RPL9: variants seen among roughly 807,000 people sequenced by gnomAD.
The protein encoded by RPL9 is ribosomal protein L9.
For missense variants in RPL9, 149 were observed against 236.7 expected, an observed-to-expected ratio of 0.63 and a Z score of 2.43; for synonymous variants, 82 against 77.1, an observed-to-expected ratio of 1.06 and a Z score of -0.33.
At chr4:39,454,423 G>C (rs1006676323) in intron 7 of RPL9, 110 bp downstream of exon 7, 1 of 797,550 alleles carries the variant, frequency 1.3e-6, no homozygotes, top group South Asian at 1.9e-5. Context: ...GTTCCAGAAT[G>C]CTTAACTCTC....
chr4:39,456,666 C>T, intron 4 of RPL9, 128 bp from the exon 5 acceptor site: 1 of 987,022 alleles, frequency 1.0e-6, no homozygotes, highest in Non-Finnish European at 1.5e-6. Context: ...TAATAACTGT[C>T]ACCTGAACCA....
At chr4:39,456,580 A>G (rs2109856145) in intron 4 of RPL9, 42 bp from the exon 5 acceptor site, 1 of 1,592,594 alleles carries the variant, frequency 6.3e-7, no homozygotes, top group Middle Eastern at 1.7e-4. Context: ...ATGCTGAGGA[A>G]TATTTTTAAT....
chr4:39,458,514 A>G, intron 1 of RPL9, 74 bp from the exon 2 acceptor site: 1 of 1,499,616 alleles, frequency 6.7e-7, no homozygotes, highest in Admixed American at 1.7e-5. Flanking sequence ...ACAGAGCTCC[A>G]CTCCTACTGG....
chr4:39,454,700 A>G lies in RPL9; in HGVS notation c.473-51T>C, dbSNP rs963307618. On this transcript the variant is annotated intron_variant, in intron 6 of 7. Coordinates refer to ENST00000295955, the MANE Select transcript of RPL9 (RefSeq NM_000661.5). The stretch of plus-strand genomic sequence containing the variant: ...AATACATCAGCCTAACCCATCTTAA[A>G]AAGAAAGTATTTCATTATGTGCTGT... 3.3e-6 allele frequency: 5 copies of G among 1,527,458 alleles called. No homozygotes were observed. The African/African-American group carries it at 5.5e-5, about 17-fold the overall frequency. 94.6% of individuals were successfully genotyped at this position (1,527,458 alleles called of 1,614,324 possible).
intron 6 of RPL9, 98 bp from the exon 7 acceptor site, chr4:39,454,747 C>A: frequency 6.9e-7 from 1 of 1,449,196 alleles, no homozygotes; most frequent in Non-Finnish European, 9.4e-7. Flanking sequence ...CAGAATGTGA[C>A]CTTTTTATTT....
rs879220573 is a variant in RPL9 at position 39,458,189 on chromosome 4, C to T, written c.162+5G>A. On this transcript the variant is annotated splice_donor_5th_base_variant and intron_variant, in intron 3 of 7. Transcript: ENST00000295955. ...CAACTGAATTATCAGAAGAAAAACCCTCACCCTCTTTTTTTTCTTTCCAAG... is the reference window on the plus strand; with the variant it reads ...CAACTGAATTATCAGAAGAAAAACCTTCACCCTCTTTTTTTTCTTTCCAAG... 2 of 1,613,842 alleles carry T rather than the reference C, an allele frequency of 1.2e-6. No individual in the cohort carries two copies. Among genetic ancestry groups the T allele is most frequent in the South Asian group, 2.2e-5 (2 of 91,068 alleles).
intron 4 of RPL9, chr4:39,457,104 A>G (rs923840836): frequency 2.5e-5 from 4 of 158,606 alleles, no homozygotes; most frequent in East Asian, 3.8e-4. Flanking sequence ...CTCAGAAACT[A>G]CATCTTTTTC....
Position 39,458,191 on chromosome 4 carries a change from C to T in RPL9, c.162+3G>A. On this transcript the variant is annotated splice_donor_region_variant and intron_variant, in intron 3 of 7. Coordinates refer to ENST00000295955, the MANE Select transcript of RPL9 (RefSeq NM_000661.5). ...ACTGAATTATCAGAAGAAAAACCCT[C>T]ACCCTCTTTTTTTTCTTTCCAAGAA... 4 of 1,613,926 alleles carry T rather than the reference C, an allele frequency of 2.5e-6. No homozygotes were observed. Among genetic ancestry groups the T allele is most frequent in the Non-Finnish European group, 3.4e-6 (4 of 1,179,796 alleles).
Position 39,457,441 on chromosome 4 carries a change from CA to C in RPL9, c.258+144del. ...CTCAGCTCTATCGCTTAAAGACCCA[CA>C]GATGCCTATTTTTGCCAAGTTCTTG... is the stretch of plus-strand genomic sequence containing the variant. On this transcript the variant is annotated intron_variant, in intron 4 of 7. Transcript: ENST00000295955. 4.6e-6 allele frequency: 3 copies of C among 656,654 alleles called. No individual in the cohort carries two copies. In the South Asian group the frequency reaches 5.5e-5, roughly 12 times the overall value. The allele number at this position is 656,654 out of a possible 1,614,324, so 40.7% of individuals were successfully genotyped here.
intron 7 of RPL9, 109 bp downstream of exon 7, chr4:39,454,424 C>G: frequency 1.2e-6 from 1 of 825,420 alleles, no homozygotes; most frequent in Non-Finnish European, 1.9e-6. Context: ...TTCCAGAATG[C>G]TTAACTCTCC....
At chr4:39,457,913 G>A in intron 3 of RPL9, 1 of 623,528 alleles carries the variant, frequency 1.6e-6, no homozygotes, top group South Asian at 1.9e-5. Context: ...CCTACTGCCG[G>A]TTCCTGTGAT....
In RPL9 at chr4:39,455,145, C is replaced by T. The variant is rs1469937337; in HGVS notation, c.392-201G>A. On this transcript the variant is annotated intron_variant, in intron 5 of 7. Transcript: ENST00000295955. ...CGGGCGGATCATGAGGTCAGGAGAT[C>T]GAAACCATCCTGGCTAACACTGTGA... The T allele has an allele frequency of 2.4e-5, 12 of 500,448 alleles. 1 individual carries two copies. Among genetic ancestry groups the T allele is most frequent in the African/African-American group, 5.9e-5 (3 of 50,648 alleles). 31.0% of individuals were successfully genotyped at this position (500,448 alleles called of 1,614,324 possible).
At chr4:39,455,937 G>A (rs1432974132) in intron 5 of RPL9, 7 of 192,020 alleles carry the variant, frequency 3.6e-5, no homozygotes, top group Non-Finnish European at 6.5e-5. Flanking sequence ...TGAAATTTAC[G>A]CTAGGCTATT....
chr4:39,455,050 CTT>C, intron 5 of RPL9, 106 bp from the exon 6 acceptor site: 2 of 1,183,614 alleles, frequency 1.7e-6, no homozygotes, highest in Admixed American at 2.6e-5. Flanking sequence ...CCAAAAGAAC[CTT>C]TTCTTAAGAT....
At position 39,458,904 on chromosome 4, in the gene RPL9, C is replaced by A. The variant is rs540003300; in HGVS notation, c.-15G>T. On this transcript the variant is annotated 5_prime_UTR_variant, in exon 1 of 8. Coordinates refer to ENST00000295955, the MANE Select transcript of RPL9 (RefSeq NM_000661.5). Reference sequence around the variant, plus strand: ...AAACATCCTTACCTCGCAGTAGACGCAGCAAAGAAAGAACGTCTGTCGTCA... The same window carrying A: ...AAACATCCTTACCTCGCAGTAGACGAAGCAAAGAAAGAACGTCTGTCGTCA... 9 of 706,610 alleles carry A rather than the reference C, an allele frequency of 1.3e-5. No individual in the cohort carries two copies. Among genetic ancestry groups the A allele is most frequent in the Non-Finnish European group, 2.1e-5 (8 of 388,152 alleles). The allele number at this position is 706,610 out of a possible 1,614,324, so 43.8% of individuals were successfully genotyped here. A position where few individuals can be genotyped will look rare whatever the true frequency, so the allele number is the denominator to read the frequency against.
Position 39,457,625 on chromosome 4 carries a change from A to G in RPL9, c.219T>C (p.Ile73=), listed in dbSNP as rs748553586. The change falls in exon 4 of 8, where the codon ATT becomes ATC. Residue 73 remains isoleucine, a synonymous_variant. Coordinates refer to ENST00000295955, the MANE Select transcript of RPL9 (RefSeq NM_000661.5). Reference sequence around the variant, plus strand: ...TGATCATGTTCTGTACATGACTACAAATAGTCCGAACGGTAGCCAGTTCCT... The same window carrying G: ...TGATCATGTTCTGTACATGACTACAGATAGTCCGAACGGTAGCCAGTTCCT... ...NRKELATVRT[I]CSHVQNMIKG... is the part of the protein sequence containing the mutation. 1.7e-5 allele frequency: 28 copies of G among 1,614,030 alleles called. No homozygotes were observed. Among genetic ancestry groups the G allele is most frequent in the Non-Finnish European group, 1.4e-5 (16 of 1,180,026 alleles).
At chr4:39,454,460 T>G (rs993850254) in intron 7 of RPL9, 73 bp downstream of exon 7, 9 of 1,118,582 alleles carry the variant, frequency 8.0e-6, no homozygotes, top group South Asian at 1.5e-5. Context: ...AAATTCAGTT[T>G]AAGTCTTTTA....
chr4:39,454,302 T>C (rs555469288), intron 7 of RPL9, 77 bp from the exon 8 acceptor site: 15 of 368,426 alleles, frequency 4.1e-5, no homozygotes, highest in African/African-American at 2.7e-4. Context: ...TTTTCTGTAC[T>C]ATTCTAAATA....
chr4:39,456,814 T>TA (rs1744104715), intron 4 of RPL9: 1 of 348,212 alleles, frequency 2.9e-6, no homozygotes, highest in African/African-American at 2.1e-5. Flanking sequence ...TCTTAGACAT[T>TA]AGACTAACAT....
Sources: gnomAD v4.1 joint callset for allele counts on GRCh38, gnomAD v4.1.1 for gene constraint, MANE v1.5 for transcripts, NCBI Gene and HGNC (gene_info 2026-07-23, HGNC 2026-07-21) for gene names.